The following EGLN3 variants were observed in gnomAD, a reference collection of about 807,000 sequenced individuals.
EGLN3 encodes egl-9 family hypoxia inducible factor 3, also known as prolyl hydroxylase EGLN3.
Under a neutral mutation model 26.0 loss-of-function variants are expected in EGLN3, and 15 were observed. That is an observed-to-expected ratio of 0.58 (90% confidence interval 0.39 to 0.89). The LOEUF is 0.89. EGLN3 is among the 40% of genes least tolerant of loss of function. The pLI, the probability that EGLN3 is intolerant of heterozygous loss-of-function variation, is 0.00. For synonymous variants in EGLN3, 147 were observed against 127.2 expected (o/e 1.16, Z -1.05); for missense variants, 238 against 311.6 (o/e 0.76, Z 1.78).
intron 1 of EGLN3, chr14:33,948,232 G>C (rs2064531395): frequency 6.6e-6 from 1 of 152,094 alleles, no homozygotes; most frequent in Non-Finnish European, 1.5e-5. Context: ...GAAATGGAAA[G>C]TGTTTCTACC....
Position 33,925,813 on chromosome 14 carries a change from T to A in EGLN3, c.*78A>T. On this transcript the variant is annotated 3_prime_UTR_variant, in exon 5 of 5. Coordinates refer to ENST00000250457, the MANE Select transcript of EGLN3 (RefSeq NM_022073.4). ...GAGATTGTTGTCACTGAAGAGGCCATCTTTGGATCTCAAAGAATTTAAGAG... is the reference window on the plus strand; with the variant it reads ...GAGATTGTTGTCACTGAAGAGGCCAACTTTGGATCTCAAAGAATTTAAGAG... The A allele has an allele frequency of 6.5e-7, 1 of 1,545,102 alleles. No homozygotes were observed. The highest frequency in any genetic ancestry group is 8.9e-7 in the Non-Finnish European group (1 of 1,118,236).
At chr14:33,950,352 G>C (rs1187480714) in intron 1 of EGLN3, 44 bp downstream of exon 1, 1 of 1,588,534 alleles carries the variant, frequency 6.3e-7, no homozygotes, top group Non-Finnish European at 8.6e-7. Flanking sequence ...AGTGCCTCCC[G>C]TCCCCGCGGG....
At chr14:33,930,930 T>C (rs566558847) in intron 2 of EGLN3, among the ~76,000 whole-genome samples, 166 bp downstream of exon 2, 5 of 152,312 alleles carry the variant, frequency 3.3e-5, no homozygotes, top group African/African-American at 1.2e-4. Flanking sequence ...CTTAACAACT[T>C]TAGGACTAAT....
At chr14:33,944,409 T>C (rs1010116333) in intron 1 of EGLN3, among the ~76,000 whole-genome samples, 3 of 152,234 alleles carry the variant, frequency 2.0e-5, no homozygotes, top group Middle Eastern at 3.4e-3. Context: ...TGTGAGCCAC[T>C]GCACCCAGCC....
intron 1 of EGLN3, among the ~76,000 whole-genome samples, chr14:33,933,633 G>A (rs2064419716): frequency 6.6e-6 from 1 of 152,114 alleles, no homozygotes; most frequent in Admixed American, 6.5e-5. Context: ...TTCTGGATGA[G>A]TGCCATAGGA....
chr14:33,929,147 A>C lies in EGLN3; in HGVS notation c.543T>G (p.Ile181Met), dbSNP rs375247279. The C allele has an allele frequency of 5.0e-5, 80 of 1,614,110 alleles. No individual in the cohort carries two copies. The highest frequency in any genetic ancestry group is 5.8e-5 in the Non-Finnish European group (69 of 1,180,048). The change falls in exon 3 of 5, where the codon ATT (isoleucine) becomes ATG (methionine). Residue 181 changes from isoleucine to methionine, a missense_variant. Coordinates refer to ENST00000250457, the MANE Select transcript of EGLN3 (RefSeq NM_022073.4). ...GKSFIADVEP[I>M]FDRLLFFWSD... ...ACCAGAAGAACAGGAGTCTGTCAAAAATGGGCTCCACATCTGCTATGAATG... is the reference window on the plus strand; with the variant it reads ...ACCAGAAGAACAGGAGTCTGTCAAACATGGGCTCCACATCTGCTATGAATG...
chr14:33,924,420 G>A lies in EGLN3; in HGVS notation c.*1471C>T. On this transcript the variant is annotated 3_prime_UTR_variant, in exon 5 of 5. Coordinates refer to ENST00000250457, the MANE Select transcript of EGLN3 (RefSeq NM_022073.4). ...AATAAATTACATAGTAATTTAGAAG[G>A]TGATAACTATTACCGTACAACAAAA... is the stretch of plus-strand genomic sequence containing the variant. 6.6e-6 allele frequency: 1 copy of A among 152,090 alleles called. No homozygotes were observed. Among genetic ancestry groups the A allele is most frequent in the East Asian group, 1.9e-4 (1 of 5,196 alleles). The allele number at this position is 152,090 out of a possible 1,614,324, so 9.4% of individuals were successfully genotyped here.
At chr14:33,935,793 C>T (rs2064437927) in intron 1 of EGLN3, among the ~76,000 whole-genome samples, 1 of 152,088 alleles carries the variant, frequency 6.6e-6, no homozygotes, top group Admixed American at 6.6e-5. Context: ...GAATGCCATC[C>T]ACATTCCAAT....
chr14:33,927,331 G>T (rs987048594), intron 3 of EGLN3, among the ~76,000 whole-genome samples: 8 of 152,094 alleles, frequency 5.3e-5, no homozygotes, highest in African/African-American at 1.9e-4. Flanking sequence ...ACCACACCCA[G>T]CTAATTTTTA....
At chr14:33,935,420 A>T (rs2064434025) in intron 1 of EGLN3, among the ~76,000 whole-genome samples, 1 of 152,108 alleles carries the variant, frequency 6.6e-6, no homozygotes, top group African/African-American at 2.4e-5. Context: ...GGTATACATG[A>T]GTCAGAACTC....
Position 33,936,362 on chromosome 14 carries a change from G to T in EGLN3, c.358-5147C>A, listed in dbSNP as rs114758302. ...AGCTGAAGTTTTCTGGCCAGAAATG[G>T]GTCTCATTTATATTCGGGTGACAAC... On this transcript the variant is annotated intron_variant, in intron 1 of 4. Transcript: ENST00000250457. Among the ~76,000 whole-genome samples, 248 of 152,258 alleles carry T rather than the reference G, an allele frequency of 1.6e-3. 1 individual carries two copies. Among genetic ancestry groups the T allele is most frequent in the African/African-American group, 5.6e-3 (233 of 41,546 alleles).
chr14:33,946,914 TA>T (rs1423246541), intron 1 of EGLN3, among the ~76,000 whole-genome samples: 3 of 152,250 alleles, frequency 2.0e-5, no homozygotes, highest in African/African-American at 7.2e-5. Context: ...AACTGTTTCT[TA>T]CCACTGACTT....
chr14:33,933,216 G>A (rs923969861), intron 1 of EGLN3, among the ~76,000 whole-genome samples: 1 of 150,960 alleles, frequency 6.6e-6, no homozygotes, highest in Non-Finnish European at 1.5e-5. Context: ...GAAGATCTAA[G>A]ACTTGATCTA....
At chr14:33,946,311 G>A (rs1594385459) in intron 1 of EGLN3, among the ~76,000 whole-genome samples, 3 of 152,196 alleles carry the variant, frequency 2.0e-5, no homozygotes, top group African/African-American at 7.2e-5. Flanking sequence ...AGGAGGCGGA[G>A]GTTGTGGTGG....
chr14:33,928,471 T>C lies in EGLN3; in HGVS notation c.614+605A>G, dbSNP rs188068531. 9.6e-4 allele frequency among the ~76,000 whole-genome samples: 146 copies of C among 152,306 alleles called. 1 individual carries two copies. The highest frequency in any genetic ancestry group is 3.3e-3 in the African/African-American group (136 of 41,566). On this transcript the variant is annotated intron_variant, in intron 3 of 4. Transcript: ENST00000250457. ...AGATTTTTTGTCAAGATTGTCTAGA[T>C]TGGTCCTAAACAATACTAAGGTGTT...
intron 4 of EGLN3, 42 bp downstream of exon 4, chr14:33,926,918 A>T: frequency 1.4e-6 from 2 of 1,443,346 alleles, no homozygotes; most frequent in Non-Finnish European, 1.9e-6. Context: ...AAAGTCAAGG[A>T]TTAACTTGAT....
At chr14:33,926,101 C>T (rs2064360747) in intron 4 of EGLN3, among the ~76,000 whole-genome samples, 179 bp from the exon 5 acceptor site, 1 of 152,186 alleles carries the variant, frequency 6.6e-6, no homozygotes, top group African/African-American at 2.4e-5. Flanking sequence ...CCATATGCCT[C>T]ACAGACTGTG....
Position 33,950,618 on chromosome 14 carries a change from C to A in EGLN3, c.135G>T (p.Glu45Asp). Reference protein sequence around the residue: ...LGEVVGDCVLERVKQLHCTGA... With the variant: ...LGEVVGDCVLDRVKQLHCTGA... ...CGGTGCAGTGCAGCTGCTTGACGCG[C>A]TCCAGGACGCAGTCGCCCACCACCT... Residue 45 changes from glutamate (E) to aspartate (D), a missense_variant, in exon 1 of 5, where the codon GAG (glutamate) becomes GAT (aspartate). Glu to Asp is a conservative substitution (Grantham distance 45). Transcript: ENST00000250457. 6.2e-7 allele frequency: 1 copy of A among 1,613,780 alleles called. No homozygotes were observed.
intron 1 of EGLN3, among the ~76,000 whole-genome samples, chr14:33,943,046 A>G (rs1231417136): frequency 1.3e-5 from 2 of 152,240 alleles, no homozygotes; most frequent in Non-Finnish European, 2.9e-5. Flanking sequence ...CTACAGACTC[A>G]CCAAAAACAG....
Sources: gnomAD v4.1 joint callset for allele counts (sites outside exome capture counted in the v4.1 genomes callset) on GRCh38, gnomAD v4.1.1 for gene constraint, MANE v1.5 for transcripts, NCBI Gene and HGNC (gene_info 2026-07-23, HGNC 2026-07-21) for gene names.